KDM4B: variants seen among roughly 807,000 people sequenced by gnomAD.
KDM4B encodes the protein lysine demethylase 4B.
KDM4B carries 32 observed loss-of-function variants against 125.2 expected under a neutral mutation model. The observed-to-expected ratio is 0.26, with a 90% CI of 0.19 to 0.34. KDM4B has a LOEUF of 0.34. Ranked by LOEUF, KDM4B falls within the 10% of genes least tolerant of loss-of-function variation. The probability of loss-of-function intolerance (pLI) is 1.00; values close to 1 mark genes in which losing one functional copy is unlikely to be tolerated. For synonymous variants in KDM4B, 721 were observed against 677.9 expected, an observed-to-expected ratio of 1.06 and a Z score of -0.99; for missense variants, 1,190 against 1,577.7, an observed-to-expected ratio of 0.75 and a Z score of 4.16.
chr19:5,070,364 G>A (rs777623619), intron 6 of KDM4B, among the ~76,000 whole-genome samples: 5 of 152,210 alleles, frequency 3.3e-5, no homozygotes, highest in Admixed American at 6.5e-5. Context: ...CGGCATGAGC[G>A]GGATGCCACC....
intron 9 of KDM4B, among the ~76,000 whole-genome samples, chr19:5,106,902 G>A (rs541693957): frequency 8.5e-5 from 13 of 152,338 alleles, no homozygotes; most frequent in Non-Finnish European, 1.9e-4. Flanking sequence ...GCCTGCAGTT[G>A]GTGGGCCCAA....
At chr19:5,031,419 C>A (rs111783272) in intron 2 of KDM4B, among the ~76,000 whole-genome samples, 11 of 152,368 alleles carry the variant, frequency 7.2e-5, no homozygotes, top group Admixed American at 6.5e-4. Flanking sequence ...GCACTTGGGG[C>A]CTCCTGTGCA....
chr19:5,146,063 C>A (rs910219689), intron 21 of KDM4B, among the ~76,000 whole-genome samples: 1 of 149,448 alleles, frequency 6.7e-6, no homozygotes, highest in Non-Finnish European at 1.5e-5. Flanking sequence ...CGGCCCCGCC[C>A]GGTCACCACT....
intron 1 of KDM4B, among the ~76,000 whole-genome samples, chr19:4,989,329 GT>G (rs968202986): frequency 3.3e-5 from 5 of 151,304 alleles, no homozygotes; most frequent in African/African-American, 4.9e-5. Flanking sequence ...CTTTTTCTTT[GT>G]TTTTTTTTGT....
At position 5,144,339 on chromosome 19, in the gene KDM4B, C is replaced by T. The variant is rs1263854324; in HGVS notation, c.2828C>T (p.Ala943Val). Reference protein sequence around the residue: ...LYYRCRVIGAASQTCYEVNFD... With the variant: ...LYYRCRVIGAVSQTCYEVNFD... ...TACCGCTGTCGCGTCATCGGTGCCG[C>T]CTCGCAGACCTGCTACGAAGTGAAC... The change falls in exon 20 of 23, where the codon GCC (alanine) becomes GTC (valine). Residue 943 changes from alanine (A) to valine (V), a missense_variant. Physicochemically the swap from Ala to Val is moderately conservative, Grantham distance 64. This residue lies in a region of KDM4B where 298 missense variants were observed against 439.7 expected (regional missense o/e 0.68). Coordinates refer to ENST00000159111, the MANE Select transcript of KDM4B (RefSeq NM_015015.3). 3 of 1,548,846 alleles carry T rather than the reference C, an allele frequency of 1.9e-6. No homozygotes were observed. The highest frequency in any genetic ancestry group is 2.6e-6 in the Non-Finnish European group (3 of 1,147,886).
intron 9 of KDM4B, among the ~76,000 whole-genome samples, chr19:5,083,316 C>T (rs934416272): frequency 3.9e-5 from 6 of 152,210 alleles, no homozygotes; most frequent in African/African-American, 1.4e-4. Context: ...GGGACGGGGT[C>T]GCCTTGGCTG....
intron 6 of KDM4B, among the ~76,000 whole-genome samples, chr19:5,056,382 A>G (rs991847384): frequency 6.8e-6 from 1 of 147,056 alleles, no homozygotes; most frequent in Non-Finnish European, 1.5e-5. Flanking sequence ...TGTCAGGCCC[A>G]CCAGGATCAT....
chr19:5,086,999 G>T (rs2038524078), intron 9 of KDM4B, among the ~76,000 whole-genome samples: 1 of 152,240 alleles, frequency 6.6e-6, no homozygotes, highest in African/African-American at 2.4e-5. Flanking sequence ...GCCTCCGGGT[G>T]GAGCTTCCAG....
chr19:5,151,505 C>T lies in KDM4B; in HGVS notation c.3285C>T (p.Pro1095=). Residue 1095 remains proline (P), a synonymous_variant, in exon 23 of 23, where the codon CCC becomes CCT. Transcript: ENST00000159111. ...AGGTGCAGGGCCGGCCCGGAGCCCC[C>T]TTCTAGGACAGCTGGCCGCTCAGGC... ...LLQVQGRPGA[P]F is the part of the protein sequence containing the mutation. 1.4e-6 allele frequency: 2 copies of T among 1,405,614 alleles called. No individual in the cohort carries two copies. The highest frequency in any genetic ancestry group is 1.5e-5 in the African/African-American group (1 of 67,240). 87.1% of individuals were successfully genotyped at this position (1,405,614 alleles called of 1,614,324 possible).
chr19:5,025,268 C>A (rs1165782627), intron 2 of KDM4B, among the ~76,000 whole-genome samples: 2 of 152,214 alleles, frequency 1.3e-5, no homozygotes, highest in African/African-American at 4.8e-5. Flanking sequence ...GATCGCTAAG[C>A]CCAGGAGTTT....
chr19:5,065,556 C>A (rs561087276), intron 6 of KDM4B, among the ~76,000 whole-genome samples: 2 of 152,190 alleles, frequency 1.3e-5, no homozygotes, highest in Non-Finnish European at 2.9e-5. Context: ...TCAAGCCATT[C>A]CGGGGGAATA....
rs151190976 is a variant in KDM4B at position 5,090,959 on chromosome 19, T to G, written c.918+8455T>G. Among the ~76,000 whole-genome samples, 613 of 152,176 alleles carry G rather than the reference T, an allele frequency of 4.0e-3. 2 individuals are homozygous for G. The highest frequency in any genetic ancestry group is 6.6e-3 in the Non-Finnish European group (449 of 68,002). ...TGGAGGGGTCTCCAAGGCGGCGGCT[T>G]CCTGTCTCAGAGCAGGATCCCCCGG... is the stretch of plus-strand genomic sequence containing the variant. On this transcript the variant is annotated intron_variant, in intron 9 of 22. Transcript: ENST00000159111.
At chr19:5,139,830 C>G (rs2146087991) in intron 18 of KDM4B, among the ~76,000 whole-genome samples, 1 of 152,308 alleles carries the variant, frequency 6.6e-6, no homozygotes, top group African/African-American at 2.4e-5. Context: ...CATTGAGGCC[C>G]CCCGTAGATG....
chr19:5,090,265 C>T (rs1173135858), intron 9 of KDM4B, among the ~76,000 whole-genome samples: 2 of 151,968 alleles, frequency 1.3e-5, no homozygotes, highest in South Asian at 2.1e-4. Context: ...GCCCTGGCCT[C>T]GCCAGGCTGA....
chr19:5,101,846 G>C (rs1020131735), intron 9 of KDM4B, among the ~76,000 whole-genome samples: 6 of 152,200 alleles, frequency 3.9e-5, no homozygotes, highest in African/African-American at 1.4e-4. Context: ...GGGCCAGCCG[G>C]ATTGCACAGG....
Position 5,114,437 on chromosome 19 carries a change from G to A in KDM4B, c.1115+3619G>A, listed in dbSNP as rs992371291. On this transcript the variant is annotated intron_variant, in intron 10 of 22. Coordinates refer to ENST00000159111, the MANE Select transcript of KDM4B (RefSeq NM_015015.3). The surrounding 1 kb of genome is among the most constrained non-coding windows in gnomAD (Gnocchi z 5.8). ...CCCCGACTCCTGCCAGGGCTGCCAC[G>A]GCTGCCACACCCCAGCTGCATTCCT... 1.7e-5 allele frequency: 7 copies of A among 407,956 alleles called. No homozygotes were observed. The highest frequency in any genetic ancestry group is 8.1e-5 in the African/African-American group (4 of 49,118). The allele number at this position is 407,956 out of a possible 1,614,324, so 25.3% of individuals were successfully genotyped here.
intron 9 of KDM4B, among the ~76,000 whole-genome samples, chr19:5,101,800 G>T (rs1223176683): frequency 2.0e-5 from 3 of 152,194 alleles, no homozygotes; most frequent in Middle Eastern, 3.2e-3. Flanking sequence ...GCTGTTATGG[G>T]GGAGCCCACA....
At chr19:5,052,521 C>T (rs1390249375) in intron 6 of KDM4B, among the ~76,000 whole-genome samples, 1 of 152,154 alleles carries the variant, frequency 6.6e-6, no homozygotes, top group Non-Finnish European at 1.5e-5. Flanking sequence ...GTGGAGGCTG[C>T]GGGCCTGCTC....
intron 2 of KDM4B, among the ~76,000 whole-genome samples, chr19:5,029,176 G>C (rs2036373686): frequency 6.6e-6 from 1 of 152,228 alleles, no homozygotes; most frequent in Non-Finnish European, 1.5e-5. Flanking sequence ...CTCCCAAAGT[G>C]CTGGGATTAC....
Sources: gnomAD v4.1 joint callset for allele counts (sites outside exome capture counted in the v4.1 genomes callset) on GRCh38, gnomAD v4.1.1 for gene constraint, gnomAD v4.1.1 regional missense constraint, Gnocchi (gnomAD v3.1) non-coding constraint, MANE v1.5 for transcripts, NCBI Gene and HGNC (gene_info 2026-07-23, HGNC 2026-07-21) for gene names.